OGDH: variants seen among roughly 807,000 people sequenced by gnomAD.
OGDH encodes oxoglutarate dehydrogenase.
A neutral mutation model predicts 116.6 loss-of-function variants in OGDH; 38 were observed. That is an observed-to-expected ratio of 0.33 (90% CI 0.25 to 0.43). The LOEUF (loss-of-function observed/expected upper bound fraction) is 0.43, where lower values mean the gene tolerates loss of function less well. Ranked by LOEUF, OGDH falls within the 20% of genes least tolerant of loss-of-function variation. OGDH has a pLI of 1.00. For missense variants in OGDH, 825 were observed against 1,357.2 expected (o/e 0.61, Z 6.16); for synonymous variants, 488 against 533.3 (o/e 0.92, Z 1.17).
chr7:44,695,842 G>A (rs1458177318), intron 12 of OGDH, among the ~76,000 whole-genome samples, 183 bp from the exon 13 acceptor site: 1 of 152,184 alleles, frequency 6.6e-6, no homozygotes, highest in African/African-American at 2.4e-5. Flanking sequence ...AGAAGGAGCA[G>A]GCCCAGAGGC....
intron 9 of OGDH, among the ~76,000 whole-genome samples, chr7:44,677,294 C>T (rs372674153): frequency 2.6e-5 from 4 of 152,118 alleles, no homozygotes; most frequent in Non-Finnish European, 4.4e-5. Flanking sequence ...AGCACATACA[C>T]GGCATGATAG....
chr7:44,641,687 G>A (rs1785952234), intron 2 of OGDH, among the ~76,000 whole-genome samples: 2 of 152,226 alleles, frequency 1.3e-5, no homozygotes, highest in African/African-American at 4.8e-5. Flanking sequence ...AGGCCAAGAA[G>A]TGCAGTCATT....
intron 1 of OGDH, among the ~76,000 whole-genome samples, chr7:44,623,117 G>A (rs896385196): frequency 1.3e-5 from 2 of 152,164 alleles, no homozygotes; most frequent in African/African-American, 4.8e-5. Flanking sequence ...GAGTGCAGAA[G>A]GTGGCAGGCA....
intron 9 of OGDH, among the ~76,000 whole-genome samples, chr7:44,677,043 A>G (rs1334211836): frequency 1.3e-5 from 2 of 152,184 alleles, no homozygotes. Flanking sequence ...CTGCTTGTGT[A>G]GAAATAGTCT....
At chr7:44,647,801 C>T (rs745958563) in intron 4 of OGDH, 42 bp downstream of exon 4, 8 of 1,479,550 alleles carry the variant, frequency 5.4e-6, no homozygotes, top group Non-Finnish European at 7.6e-6. Context: ...TTGAGCTCCT[C>T]TCGCTGTGCC....
At chr7:44,692,926 A>G (rs149814167) in intron 10 of OGDH, among the ~76,000 whole-genome samples, 15 of 152,006 alleles carry the variant, frequency 9.9e-5, no homozygotes, top group Non-Finnish European at 1.9e-4. Context: ...AACACCAGCT[A>G]CACAGAAGGC....
intron 4 of OGDH, among the ~76,000 whole-genome samples, chr7:44,647,972 T>C (rs888978545): frequency 1.4e-4 from 22 of 152,250 alleles, no homozygotes; most frequent in African/African-American, 5.1e-4. Flanking sequence ...TCTCAAAATT[T>C]GAAAATAAAA....
intron 4 of OGDH, among the ~76,000 whole-genome samples, chr7:44,661,298 G>A (rs1433967830): frequency 6.6e-6 from 1 of 152,098 alleles, no homozygotes; most frequent in East Asian, 1.9e-4. Context: ...ATGTTTACAT[G>A]ATGCATTTTT....
intron 10 of OGDH, among the ~76,000 whole-genome samples, chr7:44,686,695 T>G (rs1007414172): frequency 1.3e-5 from 2 of 149,632 alleles, no homozygotes; most frequent in Non-Finnish European, 3.0e-5. Context: ...TTTTCTTTTT[T>G]TTTTTTTTTT....
rs564644053 is a variant in OGDH, at chr7:44,708,080, C to T, written c.*81C>T. The T allele has an allele frequency of 6.5e-7, 1 of 1,530,212 alleles. No individual in the cohort carries two copies. Among genetic ancestry groups the T allele is most frequent in the East Asian group, 2.3e-5 (1 of 44,250 alleles). The allele number at this position is 1,530,212 out of a possible 1,614,324, so 94.8% of individuals were successfully genotyped here. ...GCTTCTCAACTAAAGAATAGTGCCT[C>T]AGCGCTGCCCACACCACCGCCCTCC... On this transcript the variant is annotated 3_prime_UTR_variant, in exon 23 of 23. Coordinates refer to ENST00000222673, the MANE Select transcript of OGDH (RefSeq NM_002541.4).
intron 9 of OGDH, among the ~76,000 whole-genome samples, chr7:44,677,525 G>A (rs1286456193): frequency 6.6e-6 from 1 of 152,130 alleles, no homozygotes. Context: ...GAGCAGGGAG[G>A]GGCCGGCCTC....
intron 2 of OGDH, among the ~76,000 whole-genome samples, chr7:44,629,580 C>CTTT (rs71701992): frequency 1.2e-4 from 7 of 59,996 alleles, no homozygotes; most frequent in Admixed American, 1.8e-4. Flanking sequence ...TTTTTCTTTT[C>CTTT]TTTTTTTTTT....
intron 2 of OGDH, among the ~76,000 whole-genome samples, chr7:44,631,419 A>G (rs1250979311): frequency 6.6e-6 from 1 of 152,000 alleles, no homozygotes; most frequent in Non-Finnish European, 1.5e-5. Context: ...CCAATAGGCA[A>G]TTTTTCAACC....
intron 2 of OGDH, among the ~76,000 whole-genome samples, chr7:44,643,385 T>C (rs1786035674): frequency 6.6e-6 from 1 of 152,192 alleles, no homozygotes; most frequent in South Asian, 2.1e-4. Flanking sequence ...TATAGAATGT[T>C]TTAAATATTC....
intron 1 of OGDH, among the ~76,000 whole-genome samples, chr7:44,619,412 G>A (rs1190306689): frequency 6.6e-6 from 1 of 152,158 alleles, no homozygotes; most frequent in East Asian, 1.9e-4. Context: ...TTGCTTATTG[G>A]TAGGGAGAAT....
At chr7:44,618,174 A>G (rs1433493022) in intron 1 of OGDH, among the ~76,000 whole-genome samples, 1 of 152,204 alleles carries the variant, frequency 6.6e-6, no homozygotes, top group African/African-American at 2.4e-5. Flanking sequence ...TACAACTTGT[A>G]TCATTTTTGT....
chr7:44,608,895 G>T (rs569265346), intron 1 of OGDH, among the ~76,000 whole-genome samples: 4 of 152,124 alleles, frequency 2.6e-5, no homozygotes, highest in Non-Finnish European at 5.9e-5. Context: ...GAGAGATCCT[G>T]TGTTCCTTTC....
rs777896723 is a variant in OGDH at position 44,707,889 on chromosome 7, C to T, written c.2962C>T (p.Arg988Trp). 6 of 1,613,102 alleles carry T rather than the reference C, an allele frequency of 3.7e-6. No individual in the cohort carries two copies. The highest frequency in any genetic ancestry group is 1.1e-5 in the South Asian group (1 of 90,950). ...SRAKPVWYAG[R>W]DPAAAPATGN... ...CCCTCCATCTCTCAGGTATGCCGGC[C>T]GGGACCCAGCGGCTGCTCCAGCCAC... The change falls in exon 23 of 23, where the codon CGG becomes TGG. Residue 988 changes from arginine to tryptophan, a missense_variant. Physicochemically the swap from Arg to Trp is moderately radical, Grantham distance 101 (BLOSUM62 -3). This residue lies in a region of OGDH where 212 missense variants were observed against 284.3 expected (regional missense o/e 0.75). Transcript: ENST00000222673. The surrounding 1 kb of genome is among the most constrained non-coding windows in gnomAD (Gnocchi z 5.2).
intron 2 of OGDH, among the ~76,000 whole-genome samples, chr7:44,633,170 G>A (rs546655955): frequency 2.0e-5 from 3 of 149,686 alleles, no homozygotes; most frequent in Admixed American, 6.7e-5. Context: ...GGAGAATGGC[G>A]TGAACCTGGG....
Sources: gnomAD v4.1 joint callset for allele counts (sites outside exome capture counted in the v4.1 genomes callset) on GRCh38, gnomAD v4.1.1 for gene constraint, gnomAD v4.1.1 regional missense constraint, Gnocchi (gnomAD v3.1) non-coding constraint, MANE v1.5 for transcripts, NCBI Gene and HGNC (gene_info 2026-07-23, HGNC 2026-07-21) for gene names.